Variants in CENPL observed in about 807,000 individuals in gnomAD.
CENPL encodes interphase centromere complex protein 33.
A neutral mutation model predicts 35.2 loss-of-function variants in CENPL; 20 were observed. That is an observed-to-expected ratio of 0.57 (90% CI 0.40 to 0.83). The LOEUF is 0.83. Among genes scored for constraint, CENPL ranks in the 40% least tolerant of loss-of-function variants. CENPL has a pLI of 0.00. For synonymous variants in CENPL, 140 were observed against 140.6 expected, an observed-to-expected ratio of 1.00 and a Z score of 0.03; for missense variants, 363 against 395.8, an observed-to-expected ratio of 0.92 and a Z score of 0.70.
chr1:173,807,175 T>G (rs879022985), intron 4 of CENPL, 92 bp downstream of exon 4: 3 of 1,208,532 alleles, frequency 2.5e-6, no homozygotes, highest in East Asian at 2.7e-5. Context: ...AGGAAAAAAT[T>G]TTTTAAGTTG....
At chr1:173,806,040 A>G (rs1338349885) in intron 4 of CENPL, among the ~76,000 whole-genome samples, 2 of 152,074 alleles carry the variant, frequency 1.3e-5, no homozygotes, top group Non-Finnish European at 1.5e-5. Flanking sequence ...CAACTTCTCA[A>G]CTCTGCTGTT....
chr1:173,811,382 A>G (rs1650808805), intron 2 of CENPL, 76 bp from the exon 3 acceptor site: 4 of 962,916 alleles, frequency 4.2e-6, no homozygotes, highest in Non-Finnish European at 6.2e-6. Flanking sequence ...CTGATTCCTC[A>G]CTCTAAAGGA....
chr1:173,819,574 G>C (rs1211130922), intron 2 of CENPL, among the ~76,000 whole-genome samples: 1 of 152,022 alleles, frequency 6.6e-6, no homozygotes, highest in Non-Finnish European at 1.5e-5. Context: ...GGGTGAGACA[G>C]AGCAAGACTC....
At position 173,807,115 on chromosome 1, in the gene CENPL, TCA is replaced by T. The variant is rs1189697368; in HGVS notation, c.420+150_420+151del. The stretch of plus-strand genomic sequence containing the variant: ...TTTTTTGGTATTTTTATGTATTTCC[TCA>T]GTTTTTAAAAATAAACATGATTTTG... On this transcript the variant is annotated intron_variant, in intron 4 of 5. Transcript: ENST00000682279. The T allele has an allele frequency of 1.4e-5, 8 of 574,348 alleles. No individual in the cohort carries two copies. The East Asian group carries it at 2.5e-4, about 18-fold the overall frequency. 35.6% of individuals were successfully genotyped at this position (574,348 alleles called of 1,614,324 possible).
chr1:173,812,425 T>TA (rs1442246222), intron 2 of CENPL, among the ~76,000 whole-genome samples: 1 of 152,182 alleles, frequency 6.6e-6, no homozygotes, highest in African/African-American at 2.4e-5. Flanking sequence ...AGGGGCCGAC[T>TA]GACACCTCAC....
chr1:173,803,049 T>C lies in CENPL; in HGVS notation c.877A>G (p.Arg293Gly), dbSNP rs1649895954. 2.5e-6 allele frequency: 4 copies of C among 1,613,692 alleles called. No individual in the cohort carries two copies. The Admixed American group carries it at 5.0e-5, about 20-fold the overall frequency. ...FMDCLYSHFHRHFKIHLSATR... is the reference protein window; with the variant it reads ...FMDCLYSHFHGHFKIHLSATR... Reference sequence around the variant, plus strand: ...GCTGATAAATGAATTTTGAAATGTCTATGGAAATGTGAATAAAGGCAATCC... The same window carrying C: ...GCTGATAAATGAATTTTGAAATGTCCATGGAAATGTGAATAAAGGCAATCC... The change falls in exon 5 of 6, where the codon AGA (arginine) becomes GGA (glycine). Residue 293 changes from arginine to glycine, a missense_variant. Coordinates refer to ENST00000682279, the MANE Select transcript of CENPL (RefSeq NM_001387287.1).
chr1:173,812,052 C>A (rs979031267), intron 2 of CENPL, among the ~76,000 whole-genome samples: 1 of 152,252 alleles, frequency 6.6e-6, no homozygotes, highest in Non-Finnish European at 1.5e-5. Context: ...ACCCATAGAG[C>A]CTTGCTCACT....
At chr1:173,802,253 T>A (rs1649816046) in intron 5 of CENPL, among the ~76,000 whole-genome samples, 1 of 152,080 alleles carries the variant, frequency 6.6e-6, no homozygotes, top group African/African-American at 2.4e-5. Context: ...TCACCCAGGC[T>A]GGAGTGCAGT....
intron 2 of CENPL, among the ~76,000 whole-genome samples, chr1:173,814,978 A>G (rs1347280931): frequency 6.6e-6 from 1 of 152,246 alleles, no homozygotes; most frequent in African/African-American, 2.4e-5. Flanking sequence ...AAGCACATAG[A>G]TGCAATAAAA....
chr1:173,817,382 A>C (rs1335632633), intron 2 of CENPL, among the ~76,000 whole-genome samples: 1 of 152,224 alleles, frequency 6.6e-6, no homozygotes, highest in Non-Finnish European at 1.5e-5. Flanking sequence ...GACATTTATG[A>C]AGCCAACAAA....
chr1:173,803,377 T>A lies in CENPL; in HGVS notation c.549A>T (p.Leu183Phe), dbSNP rs1414711835. Residue 183 changes from leucine (L) to phenylalanine (F), a missense_variant, in exon 5 of 6, where the codon TTA becomes TTT. Transcript: ENST00000682279. The stretch of plus-strand genomic sequence containing the variant: ...TAGACTCTGCTCCATTTGCAAGGAA[T>A]AAGGGCAGACAGGTGAAATCTTCTG... Reference protein sequence around the residue: ...TVSEDFTCLPLFLANGAESNT... With the variant: ...TVSEDFTCLPFFLANGAESNT... 4 of 1,614,106 alleles carry A rather than the reference T, an allele frequency of 2.5e-6. No homozygotes were observed. The highest frequency in any genetic ancestry group is 3.4e-6 in the Non-Finnish European group (4 of 1,179,964).
At position 173,811,322 on chromosome 1, in the gene CENPL, C is replaced by G; in HGVS notation, c.-7-16G>C. 2.6e-6 allele frequency: 4 copies of G among 1,555,890 alleles called. No homozygotes were observed. Among genetic ancestry groups the G allele is most frequent in the Non-Finnish European group, 3.5e-6 (4 of 1,139,610 alleles). On this transcript the variant is annotated splice_polypyrimidine_tract_variant and intron_variant, in intron 2 of 5. Transcript: ENST00000682279. ...CATGGTCTGTCTGCATAAGAAGAAACAAAACCAGAATTCTAAGCACTAAAA... is the reference window on the plus strand; with the variant it reads ...CATGGTCTGTCTGCATAAGAAGAAAGAAAACCAGAATTCTAAGCACTAAAA...
At chr1:173,802,443 T>A (rs1649836570) in intron 5 of CENPL, among the ~76,000 whole-genome samples, 1 of 152,242 alleles carries the variant, frequency 6.6e-6, no homozygotes, top group Non-Finnish European at 1.5e-5. Flanking sequence ...CCTGACCTCA[T>A]GATCCGCCCG....
rs1482558038 is a variant in CENPL, at chr1:173,824,390, A to G, written c.-280T>C. 1 of 152,264 alleles carries G rather than the reference A, an allele frequency of 6.6e-6. No individual in the cohort carries two copies. Among genetic ancestry groups the G allele is most frequent in the Non-Finnish European group, 1.5e-5 (1 of 68,088 alleles). The allele number at this position is 152,264 out of a possible 1,614,324, so 9.4% of individuals were successfully genotyped here. On this transcript the variant is annotated 5_prime_UTR_variant, in exon 1 of 6. Transcript: ENST00000682279. ...CCCTCCGCCGCCTCTTCAGTTTAAA[A>G]TCGTTTCCCGACTCGCTCTGCGGCC...
At chr1:173,806,033 C>A (rs1297726273) in intron 4 of CENPL, among the ~76,000 whole-genome samples, 1 of 152,146 alleles carries the variant, frequency 6.6e-6, no homozygotes, top group Admixed American at 6.5e-5. Flanking sequence ...TCTGTTGCAA[C>A]TTCTCAACTC....
At chr1:173,818,955 C>T (rs1651675922) in intron 2 of CENPL, among the ~76,000 whole-genome samples, 1 of 152,176 alleles carries the variant, frequency 6.6e-6, no homozygotes, top group African/African-American at 2.4e-5. Flanking sequence ...CAAATTAGGG[C>T]CGGGCATGGT....
intron 2 of CENPL, among the ~76,000 whole-genome samples, chr1:173,820,429 G>A (rs1338087961): frequency 6.6e-6 from 1 of 152,014 alleles, no homozygotes; most frequent in African/African-American, 2.4e-5. Flanking sequence ...GGCAGGAGGA[G>A]TGCTTGAGCC....
At chr1:173,822,530 A>C (rs1183906202) in intron 2 of CENPL, 1 of 152,216 alleles carries the variant, frequency 6.6e-6, no homozygotes, top group Non-Finnish European at 1.5e-5. Context: ...AACCTCCGTC[A>C]AACTCATTAA....
chr1:173,813,531 A>G (rs535236012), intron 2 of CENPL, among the ~76,000 whole-genome samples: 11 of 152,332 alleles, frequency 7.2e-5, no homozygotes, highest in Non-Finnish European at 1.5e-4. Context: ...CAACATTCTT[A>G]AAGAAAAGAA....
Sources: allele counts gnomAD v4.1 joint callset (sites outside exome capture counted in the v4.1 genomes callset), GRCh38; gene constraint gnomAD v4.1.1; transcripts MANE v1.5; gene names NCBI Gene and HGNC (gene_info 2026-07-23, HGNC 2026-07-21).